TSHZ3: variants seen among roughly 807,000 people sequenced by gnomAD.
TSHZ3 encodes teashirt zinc finger homeobox 3.
Under a neutral mutation model 64.5 loss-of-function variants are expected in TSHZ3, and 10 were observed. The ratio of observed to expected loss-of-function variants is 0.16; its 90% CI spans 0.10 to 0.26. TSHZ3 has a LOEUF of 0.26. Among genes scored for constraint, TSHZ3 ranks in the 10% least tolerant of loss-of-function variants. TSHZ3 has a pLI of 1.00. For missense variants in TSHZ3, 1,242 were observed against 1,421.7 expected (o/e 0.87, Z 2.03); for synonymous variants, 608 against 593.1 (o/e 1.03, Z -0.36).
chr19:31,286,866 C>T (rs754750600), intron 1 of TSHZ3, among the ~76,000 whole-genome samples: 9 of 152,130 alleles, frequency 5.9e-5, no homozygotes, highest in Admixed American at 6.5e-5. Context: ...GTATCATGTC[C>T]GGGGAGAGAA....
chr19:31,340,847 C>A (rs1262490147), intron 1 of TSHZ3, among the ~76,000 whole-genome samples: 1 of 152,234 alleles, frequency 6.6e-6, no homozygotes, highest in Non-Finnish European at 1.5e-5. Context: ...TTTCCCCAGC[C>A]AGTCTGCACC....
chr19:31,214,070 G>A (rs1975294940), intron 4 of TSHZ3, among the ~76,000 whole-genome samples: 1 of 152,246 alleles, frequency 6.6e-6, no homozygotes. Context: ...CTTAGCAGTA[G>A]TCAGAGAGCA....
chr19:31,339,617 T>C (rs764760094), intron 1 of TSHZ3, among the ~76,000 whole-genome samples: 3 of 152,160 alleles, frequency 2.0e-5, no homozygotes, highest in Non-Finnish European at 4.4e-5. Flanking sequence ...GTCAGTGATG[T>C]ATGACTCTGC....
chr19:31,248,755 A>T (rs987919752), intron 1 of TSHZ3, among the ~76,000 whole-genome samples: 1 of 150,020 alleles, frequency 6.7e-6, no homozygotes, highest in African/African-American at 2.5e-5. Context: ...GCACCACTGC[A>T]CTCCAGCCTG....
chr19:31,220,094 A>T (rs148293524), intron 4 of TSHZ3, among the ~76,000 whole-genome samples: 1 of 152,286 alleles, frequency 6.6e-6, no homozygotes, highest in East Asian at 1.9e-4. Flanking sequence ...TTCAACAAAC[A>T]GTGGTAGAAC....
At chr19:31,312,582 C>G (rs973287431) in intron 1 of TSHZ3, among the ~76,000 whole-genome samples, 11 of 152,154 alleles carry the variant, frequency 7.2e-5, no homozygotes, top group Admixed American at 7.2e-4. Flanking sequence ...AGTTATTAAC[C>G]CTTTTGGGGC....
chr19:31,337,942 T>A (rs11878732), intron 1 of TSHZ3, among the ~76,000 whole-genome samples: 32,190 of 152,184 alleles, frequency 0.21, 4,458 homozygotes, highest in East Asian at 0.47. Flanking sequence ...TAACTTTCTA[T>A]CCCATCATTC....
At chr19:31,349,508 A>T, upstream of TSHZ3, 5 of 263,890 alleles carry the variant, frequency 1.9e-5, no homozygotes, top group Non-Finnish European at 2.1e-5. Context: ...GAGGAGGTGG[A>T]GGAGGAGGAG....
chr19:31,238,582 G>A (rs1001246320), intron 3 of TSHZ3, among the ~76,000 whole-genome samples: 3 of 151,938 alleles, frequency 2.0e-5, no homozygotes, highest in Non-Finnish European at 2.9e-5. Flanking sequence ...TATGATAAAC[G>A]GTATACATAT....
At chr19:31,180,066 G>A (rs1480916653) in intron 5 of TSHZ3, among the ~76,000 whole-genome samples, 3 of 152,104 alleles carry the variant, frequency 2.0e-5, no homozygotes, top group Admixed American at 1.3e-4. Flanking sequence ...CCTGGTCCTG[G>A]CAATTTGTAT....
At position 31,314,927 on chromosome 19, in the gene TSHZ3, C is replaced by T. The variant is rs372303816; in HGVS notation, c.40+34253G>A. Among the ~76,000 whole-genome samples, 30 of 152,278 alleles carry T rather than the reference C, an allele frequency of 2.0e-4. 1 individual carries two copies. In the South Asian group the frequency reaches 5.6e-3, roughly 28 times the overall value. On this transcript the variant is annotated intron_variant, in intron 1 of 1. Transcript: ENST00000240587. ...AGGTGCTTACCTCTATGAGAAAGGA[C>T]GACGGGTCCTATATCCCTCTGTGTG...
intron 1 of TSHZ3, among the ~76,000 whole-genome samples, chr19:31,252,951 G>T (rs1025890565): frequency 1.3e-5 from 2 of 152,008 alleles, no homozygotes; most frequent in African/African-American, 4.8e-5. Context: ...ATAAAATTAT[G>T]GTGAAGATTT....
At chr19:31,320,248 G>C (rs2145165746) in intron 1 of TSHZ3, among the ~76,000 whole-genome samples, 1 of 152,260 alleles carries the variant, frequency 6.6e-6, no homozygotes, top group Non-Finnish European at 1.5e-5. Flanking sequence ...GGACATGAAT[G>C]CGTGACCCCC....
chr19:31,307,096 T>A (rs941438390), intron 1 of TSHZ3, among the ~76,000 whole-genome samples: 3 of 151,636 alleles, frequency 2.0e-5, no homozygotes, highest in African/African-American at 7.3e-5. Context: ...GTAAATAACA[T>A]CTCTACAAAG....
At chr19:31,252,826 G>C in intron 1 of TSHZ3, among the ~76,000 whole-genome samples, 1 of 152,130 alleles carries the variant, frequency 6.6e-6, no homozygotes, top group Admixed American at 6.5e-5. Context: ...TCCAAATAAA[G>C]TAAACATTTA....
chr19:31,327,454 T>C (rs1235449121), intron 1 of TSHZ3, among the ~76,000 whole-genome samples: 3 of 152,244 alleles, frequency 2.0e-5, no homozygotes, highest in African/African-American at 7.2e-5. Flanking sequence ...ATGAAAGGGA[T>C]CTGATATCTA....
chr19:31,318,870 T>C (rs553122186), intron 1 of TSHZ3, among the ~76,000 whole-genome samples: 3 of 152,320 alleles, frequency 2.0e-5, no homozygotes, highest in African/African-American at 7.2e-5. Context: ...AACGATCCGG[T>C]CACCAATACT....
At chr19:31,151,091 C>T (rs1275425164) in exon 7 of TSHZ3, among the ~76,000 whole-genome samples, 7 of 152,052 alleles carry the variant, frequency 4.6e-5, no homozygotes, top group African/African-American at 1.7e-4. Context: ...TTCCTGGGTC[C>T]CTAAGTATTC....
chr19:31,257,447 G>A (rs564092229), intron 1 of TSHZ3, among the ~76,000 whole-genome samples: 1 of 152,324 alleles, frequency 6.6e-6, no homozygotes, highest in African/African-American at 2.4e-5. Flanking sequence ...AGGGAAGGAG[G>A]GGCAAAAGCA....
Sources: gnomAD v4.1 joint callset for allele counts (sites outside exome capture counted in the v4.1 genomes callset) on GRCh38, gnomAD v4.1.1 for gene constraint, MANE v1.5 for transcripts, NCBI Gene and HGNC (gene_info 2026-07-23, HGNC 2026-07-21) for gene names.